Variants in IFT43 observed in about 807,000 individuals in gnomAD.
IFT43 encodes intraflagellar transport 43.
Under a neutral mutation model 32.3 loss-of-function variants are expected in IFT43, and 33 were observed. That is an observed-to-expected ratio of 1.02 (90% CI 0.77 to 1.37). The LOEUF (loss-of-function observed/expected upper bound fraction) is 1.37. Among genes scored for constraint, IFT43 ranks in the 40% most tolerant of loss-of-function variants. IFT43 has a pLI of 0.00. For synonymous variants in IFT43, 93 were observed against 98.2 expected, an observed-to-expected ratio of 0.95 and a Z score of 0.31; for missense variants, 274 against 265.9, an observed-to-expected ratio of 1.03 and a Z score of -0.21.
chr14:76,070,833 C>G (rs575404488), intron 5 of IFT43, among the ~76,000 whole-genome samples: 30 of 152,108 alleles, frequency 2.0e-4, no homozygotes, highest in Non-Finnish European at 4.1e-4. Flanking sequence ...CACTTTCCAC[C>G]ATGATTGGAA....
chr14:76,022,625 A>C (rs1594823314), intron 3 of IFT43: 1 of 361,336 alleles, frequency 2.8e-6, no homozygotes. Context: ...ACCAAAAGAA[A>C]CCCTGTATCT....
At chr14:76,018,623 A>T (rs1594820356) in intron 2 of IFT43, among the ~76,000 whole-genome samples, 2 of 152,216 alleles carry the variant, frequency 1.3e-5, no homozygotes, top group South Asian at 4.1e-4. Context: ...TGTCTAGATG[A>T]TCTCTCCAGT....
At chr14:76,040,795 A>G (rs570775714) in intron 3 of IFT43, among the ~76,000 whole-genome samples, 3 of 152,272 alleles carry the variant, frequency 2.0e-5, no homozygotes, top group African/African-American at 7.2e-5. Context: ...CTGACAAGTG[A>G]CCCCAGTCAG....
chr14:76,039,880 G>A (rs1214884142), intron 3 of IFT43, among the ~76,000 whole-genome samples: 1 of 152,112 alleles, frequency 6.6e-6, no homozygotes, highest in East Asian at 1.9e-4. Flanking sequence ...GGGAACATAT[G>A]CATTCTGCAC....
At chr14:76,060,940 G>A (rs556422017) in intron 5 of IFT43, among the ~76,000 whole-genome samples, 2 of 147,380 alleles carry the variant, frequency 1.4e-5, no homozygotes, top group East Asian at 2.0e-4. Flanking sequence ...TCACTCCATC[G>A]TCCAGGCTGG....
chr14:76,033,932 C>CG (rs2036552843), intron 3 of IFT43, among the ~76,000 whole-genome samples: 1 of 152,096 alleles, frequency 6.6e-6, no homozygotes, highest in African/African-American at 2.4e-5. Flanking sequence ...TGTCTTATAG[C>CG]GGAGATAGGA....
chr14:76,005,363 T>C (rs904146887), intron 2 of IFT43, among the ~76,000 whole-genome samples: 7 of 152,348 alleles, frequency 4.6e-5, no homozygotes, highest in Admixed American at 2.0e-4. Flanking sequence ...TCTTTACTCC[T>C]CAGATGGCTC....
intron 3 of IFT43, among the ~76,000 whole-genome samples, chr14:76,053,408 A>G (rs1269687268): frequency 1.3e-5 from 2 of 152,162 alleles, no homozygotes; most frequent in Non-Finnish European, 2.9e-5. Flanking sequence ...GCTGGGATGA[A>G]GACCAGGACG....
At chr14:76,047,682 C>CGCCT (rs1566723910) in intron 3 of IFT43, among the ~76,000 whole-genome samples, 3 of 151,042 alleles carry the variant, frequency 2.0e-5, no homozygotes, top group African/African-American at 7.3e-5. Context: ...ACTGCCCGCC[C>CGCCT]GCCTGCCTGC....
intron 2 of IFT43, among the ~76,000 whole-genome samples, chr14:75,997,512 G>A (rs1257904855): frequency 1.3e-5 from 2 of 152,202 alleles, no homozygotes; most frequent in South Asian, 4.1e-4. Flanking sequence ...AAAAATCTCC[G>A]AGGTATGCTC....
chr14:76,000,367 C>G (rs2035860792), intron 2 of IFT43, among the ~76,000 whole-genome samples: 1 of 151,446 alleles, frequency 6.6e-6, no homozygotes, highest in African/African-American at 2.4e-5. Context: ...TGGATTCACG[C>G]CATTCTCCTG....
At chr14:76,046,982 A>G (rs141233499) in intron 3 of IFT43, among the ~76,000 whole-genome samples, 2 of 152,136 alleles carry the variant, frequency 1.3e-5, no homozygotes, top group Non-Finnish European at 1.5e-5. Flanking sequence ...GCTACTTTAT[A>G]CTTCCAAGAC....
At chr14:76,026,977 A>G (rs2036409351) in intron 3 of IFT43, among the ~76,000 whole-genome samples, 1 of 152,240 alleles carries the variant, frequency 6.6e-6, no homozygotes, top group Non-Finnish European at 1.5e-5. Flanking sequence ...AAACTAATGT[A>G]GGAACAGAAA....
rs539876076 is a variant in IFT43 at position 76,032,268 on chromosome 14, C to T, written c.215+9874C>T. Among the ~76,000 whole-genome samples the T allele has an allele frequency of 1.1e-4, 17 of 152,282 alleles. No homozygotes were observed. The South Asian group carries it at 2.3e-3, about 20-fold the overall frequency. On this transcript the variant is annotated intron_variant, in intron 3 of 8. Transcript: ENST00000314067. Reference sequence around the variant, plus strand: ...ACTGCCAGCACCTGGCTGCAGCCACCATCATTTCTTGCACTGGCTCAAGTG... The same window carrying T: ...ACTGCCAGCACCTGGCTGCAGCCACTATCATTTCTTGCACTGGCTCAAGTG...
intron 2 of IFT43, among the ~76,000 whole-genome samples, chr14:76,011,134 T>C (rs111251123): frequency 5.4e-4 from 82 of 152,238 alleles, no homozygotes; most frequent in African/African-American, 1.9e-3. Flanking sequence ...GGTCTTGAAC[T>C]TCTGGCCTCA....
intron 5 of IFT43, among the ~76,000 whole-genome samples, chr14:76,070,042 C>A (rs972236374): frequency 6.6e-6 from 1 of 152,210 alleles, no homozygotes; most frequent in Non-Finnish European, 1.5e-5. Flanking sequence ...CTTAATTCTG[C>A]AAGTGTAGCA....
intron 2 of IFT43, among the ~76,000 whole-genome samples, chr14:75,997,152 A>G (rs573788429): frequency 1.3e-5 from 2 of 152,102 alleles, no homozygotes; most frequent in African/African-American, 4.8e-5. Context: ...AGGTAGAGGG[A>G]AGAGTGTGAG....
intron 4 of IFT43, chr14:76,058,916 A>G: frequency 6.9e-7 from 1 of 1,456,356 alleles, no homozygotes; most frequent in Non-Finnish European, 9.0e-7. Context: ...TTATATGTCC[A>G]GGTATCAGGG....
intron 3 of IFT43, among the ~76,000 whole-genome samples, chr14:76,054,642 G>C (rs2036977248): frequency 6.6e-6 from 1 of 152,240 alleles, no homozygotes; most frequent in South Asian, 2.1e-4. Context: ...AAAGTGCTCT[G>C]TGTGAGGTGA....
Sources: gnomAD v4.1 joint callset for allele counts (sites outside exome capture counted in the v4.1 genomes callset) on GRCh38, gnomAD v4.1.1 for gene constraint, MANE v1.5 for transcripts, NCBI Gene and HGNC (gene_info 2026-07-23, HGNC 2026-07-21) for gene names.